The following PCDH15 variants were observed in gnomAD, a reference collection of about 807,000 sequenced individuals.
The protein encoded by PCDH15 is protocadherin-15.
Under a neutral mutation model 178.5 loss-of-function variants are expected in PCDH15, and 129 were observed. That is an observed-to-expected ratio of 0.72 (90% CI 0.63 to 0.84). The LOEUF is 0.84. Among genes scored for constraint, PCDH15 ranks in the 40% least tolerant of loss-of-function variants. The pLI, the probability that PCDH15 is intolerant of heterozygous loss-of-function variation, is 0.00. For synonymous variants in PCDH15, 800 were observed against 732.0 expected (o/e 1.09, Z -1.50); for missense variants, 2,230 against 2,099.9 (o/e 1.06, Z -1.21).
chr10:55,258,758 C>CTTTT (rs11398382), intron 1 of PCDH15, among the ~76,000 whole-genome samples: 39 of 108,040 alleles, frequency 3.6e-4, no homozygotes, highest in Non-Finnish European at 4.0e-4. Flanking sequence ...TGTTTGTCTG[C>CTTTT]TTTTTTTTTT....
At chr10:54,919,097 A>G (rs79180051) in intron 2 of PCDH15, among the ~76,000 whole-genome samples, 78 of 152,292 alleles carry the variant, frequency 5.1e-4, no homozygotes, top group African/African-American at 1.8e-3. Flanking sequence ...TTGGACTATG[A>G]TAAGTTGGAG....
At chr10:54,938,225 A>AT (rs969599959) in intron 2 of PCDH15, among the ~76,000 whole-genome samples, 9 of 151,090 alleles carry the variant, frequency 6.0e-5, no homozygotes, top group Admixed American at 3.3e-4. Flanking sequence ...ATTAAGTGAA[A>AT]TTTTTTTGTC....
chr10:54,172,811 A>C (rs1205740898), intron 13 of PCDH15, among the ~76,000 whole-genome samples: 2 of 152,168 alleles, frequency 1.3e-5, no homozygotes, highest in Non-Finnish European at 2.9e-5. Context: ...CTTCATAAAA[A>C]ATGCAAGCAC....
intron 1 of PCDH15, among the ~76,000 whole-genome samples, chr10:55,194,376 G>T (rs756411265): frequency 2.0e-5 from 3 of 151,996 alleles, no homozygotes; most frequent in African/African-American, 4.8e-5. Context: ...AGTAGTTAAC[G>T]TAATAAATTC....
At chr10:54,783,447 A>C in intron 1 of PCDH15, among the ~76,000 whole-genome samples, 1 of 152,154 alleles carries the variant, frequency 6.6e-6, no homozygotes, top group East Asian at 1.9e-4. Context: ...AATGATGAAA[A>C]GGAAAAAAGA....
chr10:55,237,786 C>T (rs1841423918), intron 1 of PCDH15, among the ~76,000 whole-genome samples: 2 of 151,382 alleles, frequency 1.3e-5, no homozygotes, highest in Non-Finnish European at 2.9e-5. Flanking sequence ...AGATTGAATG[C>T]ATTCTGTAGA....
intron 2 of PCDH15, among the ~76,000 whole-genome samples, chr10:55,349,373 T>C (rs1445897570): frequency 6.6e-6 from 1 of 152,150 alleles, no homozygotes; most frequent in Non-Finnish European, 1.5e-5. Context: ...ATGTATTTTT[T>C]CATTAAAATA....
At position 55,030,320 on chromosome 10, in the gene PCDH15, G is replaced by A. The variant is rs1011126333; in HGVS notation, c.-79-132820C>T. On this transcript the variant is annotated intron_variant, in intron 2 of 5. Transcript: ENST00000458638. ...GGCTGAGGAATCATACAGAGAGCAC[G>A]AGTCTCAGTTTCCTCAAATCATCTG... Among the ~76,000 whole-genome samples the A allele has an allele frequency of 8.5e-5, 13 of 152,146 alleles. 1 individual carries two copies. Among genetic ancestry groups the A allele is most frequent in the African/African-American group, 2.7e-4 (11 of 41,436 alleles).
chr10:53,945,849 A>G (rs1452838459), intron 23 of PCDH15, among the ~76,000 whole-genome samples: 550 of 28,152 alleles, frequency 0.02, 6 homozygotes, highest in African/African-American at 0.059. Flanking sequence ...ATATATATAT[A>G]TATATATATA....
rs1434874250 is a variant in PCDH15 at position 53,806,890 on chromosome 10, G to A, written c.4912C>T (p.Leu1638=). The A allele has an allele frequency of 6.2e-7, 1 of 1,613,854 alleles. No homozygotes were observed. The highest frequency in any genetic ancestry group is 8.5e-7 in the Non-Finnish European group (1 of 1,179,820). Reference sequence around the variant, plus strand: ...TCATGTGTCACTGCCAACTTGTCTAGTTTCTTAAAGGGCCCTCCCAGTCGA... The same window carrying A: ...TCATGTGTCACTGCCAACTTGTCTAATTTCTTAAAGGGCCCTCCCAGTCGA... The part of the protein sequence containing the change: ...PVRLGGPFKK[L]DKLAVTHEEN... The change falls in exon 38 of 38, where the codon CTA becomes TTA. Residue 1638 remains leucine, a synonymous_variant. Coordinates refer to ENST00000644397, the MANE Select transcript of PCDH15 (RefSeq NM_001384140.1).
intron 6 of PCDH15, among the ~76,000 whole-genome samples, chr10:54,341,528 C>G (rs1385719692): frequency 6.6e-6 from 1 of 152,114 alleles, no homozygotes; most frequent in African/African-American, 2.4e-5. Flanking sequence ...ATCTTTATAG[C>G]AGTGTGATAA....
At position 54,837,828 on chromosome 10, in the gene PCDH15, A is replaced by G. The variant is rs73256007; in HGVS notation, c.-29+59622T>C. Among the ~76,000 whole-genome samples, 563 of 152,178 alleles carry G rather than the reference A, an allele frequency of 3.7e-3. 1 individual carries two copies. The highest frequency in any genetic ancestry group is 0.013 in the African/African-American group (541 of 41,512). On this transcript the variant is annotated intron_variant, in intron 3 of 5. Transcript: ENST00000458638. ...CAAAATAGAGGAGGGTCACTTTGAG[A>G]AAGCAAGTCGATACCCTGGCTACCA... is the stretch of plus-strand genomic sequence containing the variant.
upstream of PCDH15, among the ~76,000 whole-genome samples, chr10:54,801,692 A>G (rs1952658069): frequency 1.3e-5 from 2 of 152,138 alleles, no homozygotes; most frequent in Non-Finnish European, 2.9e-5. Context: ...TCTTTGGGGC[A>G]TAAAAACAAA....
At chr10:54,129,864 T>G (rs770096929) in intron 15 of PCDH15, among the ~76,000 whole-genome samples, 19 of 152,060 alleles carry the variant, frequency 1.2e-4, no homozygotes, top group Non-Finnish European at 1.6e-4. Context: ...CAAACTTGGG[T>G]TGTGCAAGGG....
intron 1 of PCDH15, among the ~76,000 whole-genome samples, chr10:55,167,285 T>C (rs1839220262): frequency 6.6e-6 from 1 of 152,066 alleles, no homozygotes; most frequent in Admixed American, 6.6e-5. Context: ...AGGTCATTTT[T>C]ATATTTTTTG....
intron 2 of PCDH15, among the ~76,000 whole-genome samples, chr10:55,510,925 A>T (rs1840868693): frequency 6.6e-6 from 1 of 151,230 alleles, no homozygotes; most frequent in Non-Finnish European, 1.5e-5. Flanking sequence ...CAGTGGAGTG[A>T]TCGTGGCTTA....
intron 1 of PCDH15, among the ~76,000 whole-genome samples, chr10:54,753,274 C>A (rs945524): frequency 6.6e-6 from 1 of 151,478 alleles, no homozygotes; most frequent in Admixed American, 6.6e-5. Flanking sequence ...ACCTCTGCCT[C>A]CCAGGTTCAA....
At chr10:54,788,278 A>C (rs921165670) in intron 1 of PCDH15, among the ~76,000 whole-genome samples, 1 of 151,940 alleles carries the variant, frequency 6.6e-6, no homozygotes, top group African/African-American at 2.4e-5. Flanking sequence ...TATAATGAAG[A>C]AAAATTAGAG....
intron 3 of PCDH15, among the ~76,000 whole-genome samples, chr10:54,395,321 A>C (rs10733928): frequency 0.95 from 143,928 of 151,730 alleles, 68,742 homozygotes; most frequent in Middle Eastern, 1. Context: ...TGGCTTCAGC[A>C]GGTCCCTCCG....
Sources: gnomAD v4.1 joint callset for allele counts (sites outside exome capture counted in the v4.1 genomes callset) on GRCh38, gnomAD v4.1.1 for gene constraint, MANE v1.5 for transcripts, NCBI Gene and HGNC (gene_info 2026-07-23, HGNC 2026-07-21) for gene names.